COBL: variants seen among roughly 807,000 people sequenced by gnomAD.
The protein encoded by COBL is cordon-bleu WH2 repeat protein.
COBL carries 51 observed loss-of-function variants against 98.8 expected under a neutral mutation model. That is an observed-to-expected ratio of 0.52 (90% CI 0.41 to 0.65). The LOEUF is 0.65. Ranked by LOEUF, COBL falls within the 30% of genes least tolerant of loss-of-function variation. The pLI is 0.00. For synonymous variants in COBL, 634 were observed against 651.7 expected, an observed-to-expected ratio of 0.97 and a Z score of 0.41; for missense variants, 1,617 against 1,617.5, an observed-to-expected ratio of 1.00 and a Z score of 0.01.
intron 1 of COBL, among the ~76,000 whole-genome samples, chr7:51,264,672 CAAAAAAAAAAA>C (rs5884201): frequency 4.1e-5 from 2 of 48,352 alleles, no homozygotes; most frequent in African/African-American, 5.4e-5. Flanking sequence ...CTCCATCTCC[CAAAAAAAAAAA>C]AAAAAAAAAA....
chr7:51,303,909 G>A (rs1802229693), intron 1 of COBL, among the ~76,000 whole-genome samples: 1 of 152,146 alleles, frequency 6.6e-6, no homozygotes, highest in Non-Finnish European at 1.5e-5. Context: ...GAACATATGG[G>A]ACAGGCTGCT....
At chr7:51,169,614 C>T (rs913025382) in intron 5 of COBL, among the ~76,000 whole-genome samples, 1 of 152,056 alleles carries the variant, frequency 6.6e-6, no homozygotes, top group African/African-American at 2.4e-5. Context: ...AGACAAATAC[C>T]ACATGTTCTC....
intron 5 of COBL, among the ~76,000 whole-genome samples, chr7:51,139,316 T>G (rs1799524214): frequency 1.3e-5 from 2 of 152,138 alleles, no homozygotes; most frequent in African/African-American, 4.8e-5. Flanking sequence ...GGCCATGACC[T>G]CATGAGGGCC....
chr7:51,269,556 T>C (rs1052947836), intron 1 of COBL, among the ~76,000 whole-genome samples: 6 of 152,208 alleles, frequency 3.9e-5, no homozygotes, highest in Non-Finnish European at 7.3e-5. Context: ...GGGCTCCATG[T>C]CACAGCCCTG....
chr7:51,145,296 G>T (rs1412869927), intron 5 of COBL, among the ~76,000 whole-genome samples: 1 of 152,122 alleles, frequency 6.6e-6, no homozygotes, highest in Admixed American at 6.5e-5. Flanking sequence ...GATCATAGGT[G>T]TGAGCCACCA....
At chr7:51,254,122 T>A (rs1796990301) in intron 1 of COBL, among the ~76,000 whole-genome samples, 1 of 151,110 alleles carries the variant, frequency 6.6e-6, no homozygotes, top group African/African-American at 2.5e-5. Flanking sequence ...TATTTTCTCT[T>A]CTTTCTTGCA....
intron 6 of COBL, among the ~76,000 whole-genome samples, chr7:51,109,541 C>CTT (rs551418164): frequency 3.3e-5 from 5 of 152,120 alleles, no homozygotes; most frequent in Non-Finnish European, 5.9e-5. Context: ...GCTACCCCTG[C>CTT]TTTTATTCAG....
intron 5 of COBL, chr7:51,172,534 G>A (rs1433687400): frequency 7.8e-7 from 1 of 1,286,140 alleles, no homozygotes; most frequent in Admixed American, 2.3e-5. Flanking sequence ...GCTCAGCCTG[G>A]AACACAAGCA....
chr7:51,205,514 A>C (rs898426032), intron 2 of COBL, among the ~76,000 whole-genome samples: 6 of 151,928 alleles, frequency 3.9e-5, no homozygotes, highest in Admixed American at 6.5e-5. Context: ...AAAAAAAAAA[A>C]CTCAAAATAG....
chr7:51,190,822 A>G, intron 4 of COBL, 28 bp downstream of exon 4: 2 of 1,578,614 alleles, frequency 1.3e-6, no homozygotes, highest in Non-Finnish European at 1.7e-6. Context: ...GATTATGGGC[A>G]GGTGCGTGAG....
intron 1 of COBL, among the ~76,000 whole-genome samples, chr7:51,254,246 T>A (rs1249857670): frequency 6.6e-6 from 1 of 152,196 alleles, no homozygotes; most frequent in East Asian, 1.9e-4. Flanking sequence ...ATGGCTGATG[T>A]AAAGTGACCT....
chr7:51,119,183 A>C (rs891088277), intron 6 of COBL, among the ~76,000 whole-genome samples: 1 of 152,192 alleles, frequency 6.6e-6, no homozygotes, highest in East Asian at 1.9e-4. Context: ...TTATAAACTA[A>C]GTTTCCCTGG....
Position 51,028,900 on chromosome 7 carries a change from C to T in COBL, c.2196G>A (p.Lys732=), listed in dbSNP as rs771393925. 1.2e-6 allele frequency: 2 copies of T among 1,614,228 alleles called. No individual in the cohort carries two copies. The highest frequency in any genetic ancestry group is 3.3e-5 in the Admixed American group (2 of 60,036). ...TCACCAAGTTCCCCAGCTCGTCAAT[C>T]TTAATGGCTCCGGTGGAGAGGGACA... ...RDVSLSTGAI[K]IDELGNLVSP... The change falls in exon 10 of 13, where the codon AAG becomes AAA. Residue 732 remains lysine, a synonymous_variant. Coordinates refer to ENST00000265136, the MANE Select transcript of COBL (RefSeq NM_015198.5).
intron 6 of COBL, among the ~76,000 whole-genome samples, chr7:51,095,991 C>T (rs1285265674): frequency 6.6e-6 from 1 of 152,116 alleles, no homozygotes; most frequent in Non-Finnish European, 1.5e-5. Context: ...CCAGAGAGAT[C>T]CATAAGTAAT....
rs560212510 is a variant in COBL at position 51,221,798 on chromosome 7, T to C, written c.42-1854A>G. ...ATTACTTATAAAATGAAAGAGGTCA[T>C]TTAAAACGACAGCAAAAGTGATTAG... On this transcript the variant is annotated intron_variant, in intron 1 of 12. Transcript: ENST00000265136. 6.6e-5 allele frequency among the ~76,000 whole-genome samples: 10 copies of C among 152,348 alleles called. 1 individual carries two copies. Among genetic ancestry groups the C allele is most frequent in the Admixed American group, 2.6e-4 (4 of 15,310 alleles).
intron 1 of COBL, among the ~76,000 whole-genome samples, chr7:51,305,859 A>C (rs1268265630): frequency 6.6e-6 from 1 of 151,956 alleles, no homozygotes; most frequent in Middle Eastern, 3.2e-3. Flanking sequence ...CATGGTGAAG[A>C]CCCGTCTCTA....
chr7:51,282,254 A>G (rs944897853), intron 1 of COBL, among the ~76,000 whole-genome samples: 3 of 152,070 alleles, frequency 2.0e-5, no homozygotes, highest in African/African-American at 7.2e-5. Context: ...ATAGTTTAAT[A>G]TAATTATTTA....
At chr7:51,123,882 C>A (rs912078803) in intron 6 of COBL, among the ~76,000 whole-genome samples, 1 of 152,146 alleles carries the variant, frequency 6.6e-6, no homozygotes, top group South Asian at 2.1e-4. Flanking sequence ...TCACCCTGCA[C>A]CCCCCTCTGC....
chr7:51,259,585 C>T lies in COBL; in HGVS notation c.42-39641G>A. On this transcript the variant is annotated intron_variant, in intron 1 of 12. Transcript: ENST00000265136. ...CATGAGATCTCCTGGAAATGCTTCT[C>T]CAGGAAGGCAATTTCATGAATGAGG... The T allele has an allele frequency of 4.0e-6, 3 of 744,170 alleles. No individual in the cohort carries two copies. In the Admixed American group the frequency reaches 5.3e-5, roughly 13 times the overall value. The allele number at this position is 744,170 out of a possible 1,614,324, so 46.1% of individuals were successfully genotyped here.
Sources: allele counts gnomAD v4.1 joint callset (sites outside exome capture counted in the v4.1 genomes callset), GRCh38; gene constraint gnomAD v4.1.1; transcripts MANE v1.5; gene names NCBI Gene and HGNC (gene_info 2026-07-23, HGNC 2026-07-21).